The following HMCN1 variants were observed in gnomAD, a reference collection of about 807,000 sequenced individuals.
HMCN1 encodes the protein hemicentin-1.
A neutral mutation model predicts 625.9 loss-of-function variants in HMCN1; 321 were observed. The ratio of observed to expected loss-of-function variants is 0.51; its 90% confidence interval spans 0.47 to 0.56. The LOEUF (loss-of-function observed/expected upper bound fraction) is 0.56, where lower values mean the gene tolerates loss of function less well. Ranked by LOEUF, HMCN1 falls within the 20% of genes least tolerant of loss-of-function variation. The pLI, the probability that HMCN1 is intolerant of heterozygous loss-of-function variation, is 0.00. For missense variants in HMCN1, 6,588 were observed against 6,887.3 expected (o/e 0.96, Z 1.54); for synonymous variants, 2,425 against 2,417.6 (o/e 1.00, Z -0.09).
At chr1:186,106,570 A>G (rs143041760) in intron 69 of HMCN1, among the ~76,000 whole-genome samples, 2 of 152,334 alleles carry the variant, frequency 1.3e-5, no homozygotes, top group East Asian at 1.9e-4. Flanking sequence ...TGTTTCTTCA[A>G]TGAACATTGA....
At chr1:186,044,699 G>T (rs2102247989) in intron 40 of HMCN1, among the ~76,000 whole-genome samples, 1 of 152,248 alleles carries the variant, frequency 6.6e-6, no homozygotes, top group Non-Finnish European at 1.5e-5. Context: ...CCTGCATAGT[G>T]ATGGGGTTTC....
intron 97 of HMCN1, among the ~76,000 whole-genome samples, chr1:186,157,345 TTTATAA>T (rs147444663): frequency 5.6e-4 from 85 of 152,288 alleles, no homozygotes; most frequent in African/African-American, 2.0e-3. Context: ...AGTAACACAC[TTTATAA>T]TATGAAAATC....
chr1:186,132,319 T>C lies in HMCN1; in HGVS notation c.13231-9T>C. 1 of 1,610,180 alleles carries C rather than the reference T, an allele frequency of 6.2e-7. No individual in the cohort carries two copies. The highest frequency in any genetic ancestry group is 8.5e-7 in the Non-Finnish European group (1 of 1,177,450). ...CATATTTTTGTAAAAACGCTGCTTATTTCCATAGAATGAAGATGCCGGTGA... is the reference window on the plus strand; with the variant it reads ...CATATTTTTGTAAAAACGCTGCTTACTTCCATAGAATGAAGATGCCGGTGA... On this transcript the variant is annotated splice_polypyrimidine_tract_variant and intron_variant, in intron 85 of 106. Coordinates refer to ENST00000271588, the MANE Select transcript of HMCN1 (RefSeq NM_031935.3).
intron 1 of HMCN1, among the ~76,000 whole-genome samples, chr1:185,793,358 C>T (rs1658133959): frequency 6.6e-6 from 1 of 152,124 alleles, no homozygotes; most frequent in African/African-American, 2.4e-5. Context: ...TGGTTCCTTC[C>T]TTGCTTCATG....
chr1:186,164,905 C>G (rs1306886712), intron 97 of HMCN1, among the ~76,000 whole-genome samples: 2 of 152,204 alleles, frequency 1.3e-5, no homozygotes, highest in Non-Finnish European at 2.9e-5. Flanking sequence ...CCAGTGGCAG[C>G]TTGTCAACAA....
Position 186,189,753 on chromosome 1 carries a change from C to T in HMCN1, c.16783C>T (p.Arg5595Ter), listed in dbSNP as rs1412752744. Residue 5595 changes from arginine to a stop codon, truncating the protein, a stop_gained, in exon 107 of 107, where the codon CGA becomes TGA. Coordinates refer to ENST00000271588, the MANE Select transcript of HMCN1 (RefSeq NM_031935.3). LOFTEE classifies it high-confidence loss of function. The stretch of plus-strand genomic sequence containing the variant: ...CCTGAAAGGAGTGGTGTATACAACA[C>T]GACCACTACGAGAAGCAGAGACCTA... ...ENLKGVVYTT[R>*]PLREAETYRM... The T allele has an allele frequency of 6.2e-6, 10 of 1,613,490 alleles. No homozygotes were observed. The highest frequency in any genetic ancestry group is 1.7e-5 in the Admixed American group (1 of 59,944).
intron 24 of HMCN1, among the ~76,000 whole-genome samples, chr1:185,995,606 C>CT (rs1464897363): frequency 6.6e-6 from 1 of 152,152 alleles, no homozygotes; most frequent in Non-Finnish European, 1.5e-5. Context: ...GGCAAAACCC[C>CT]TGCTTTCATG....
chr1:185,783,324 T>G (rs1346102268), intron 1 of HMCN1, among the ~76,000 whole-genome samples: 1 of 152,022 alleles, frequency 6.6e-6, no homozygotes, highest in East Asian at 1.9e-4. Flanking sequence ...GTTTGATCAT[T>G]TGAAGCCTTC....
At chr1:186,038,762 GATCCA>G (rs1656004344) in intron 37 of HMCN1, 62 bp from the exon 38 acceptor site, 5 of 875,064 alleles carry the variant, frequency 5.7e-6, no homozygotes, top group African/African-American at 1.7e-5. Context: ...ACTTAGCTAA[GATCCA>G]ACTTAGTATA....
rs1657250541 is a variant in HMCN1 at position 186,055,475 on chromosome 1, G to A, written c.6945G>A (p.Glu2315=). ...TRGKSISLEC[E]VQGIPPPTVT... ...GGAAGAGTATCTCCTTGGAGTGTGA[G>A]GTGCAGGGTATTCCACCACCAACAG... Residue 2315 remains glutamate (E), a synonymous_variant, in exon 45 of 107, where the codon GAG becomes GAA. Coordinates refer to ENST00000271588, the MANE Select transcript of HMCN1 (RefSeq NM_031935.3). 6.2e-7 allele frequency: 1 copy of A among 1,612,804 alleles called. No individual in the cohort carries two copies. Among genetic ancestry groups the A allele is most frequent in the Non-Finnish European group, 8.5e-7 (1 of 1,179,240 alleles).
chr1:185,965,892 C>T lies in HMCN1; in HGVS notation c.2189C>T (p.Pro730Leu), dbSNP rs1456581072. The T allele has an allele frequency of 1.3e-6, 2 of 1,593,854 alleles. No homozygotes were observed. The highest frequency in any genetic ancestry group is 1.3e-5 in the African/African-American group (1 of 74,476). ...VMECKTSGIP[P>L]PQVKWFKGDL... Reference sequence around the variant, plus strand: ...GAATGCAAAACCTCTGGTATTCCTCCACCTCAAGTTAAATGGTTCAAAGGT... The same window carrying T: ...GAATGCAAAACCTCTGGTATTCCTCTACCTCAAGTTAAATGGTTCAAAGGT... The change falls in exon 14 of 107, where the codon CCA (proline) becomes CTA (leucine). Residue 730 changes from proline (P) to leucine (L), a missense_variant. Transcript: ENST00000271588.
chr1:186,107,092 CTT>C (rs1208686760), intron 70 of HMCN1, 127 bp downstream of exon 70: 62 of 566,450 alleles, frequency 1.1e-4, no homozygotes, highest in Middle Eastern at 2.8e-4. Flanking sequence ...AAATCTGAAT[CTT>C]TTTTTTTTTG....
At chr1:185,765,097 A>G (rs1184392461) in intron 1 of HMCN1, among the ~76,000 whole-genome samples, 1 of 152,196 alleles carries the variant, frequency 6.6e-6, no homozygotes, top group Non-Finnish European at 1.5e-5. Context: ...GTACCAAATG[A>G]CAATCTGGAC....
At chr1:186,016,691 T>C (rs1015211294) in intron 32 of HMCN1, among the ~76,000 whole-genome samples, 1 of 152,018 alleles carries the variant, frequency 6.6e-6, no homozygotes, top group Admixed American at 6.6e-5. Flanking sequence ...AAATAAACAA[T>C]ATAAAATATG....
At chr1:186,133,284 A>G (rs1002014610) in intron 86 of HMCN1, among the ~76,000 whole-genome samples, 1 of 152,236 alleles carries the variant, frequency 6.6e-6, no homozygotes, top group African/African-American at 2.4e-5. Flanking sequence ...CATGCTTAAA[A>G]AGATTGCCAT....
In HMCN1 at chr1:186,088,602, C is replaced by T. The variant is rs199611602; in HGVS notation, c.9578-4C>T. 3 of 1,610,920 alleles carry T rather than the reference C, an allele frequency of 1.9e-6. No individual in the cohort carries two copies. The East Asian group carries it at 6.7e-5, about 36-fold the overall frequency. The stretch of plus-strand genomic sequence containing the variant: ...GTTTTATTGTGCTTTGTTTCTACCT[C>T]TAGAAAATTCTGACTCACTGGAAGT... On this transcript the variant is annotated splice_polypyrimidine_tract_variant and splice_region_variant and intron_variant, in intron 62 of 106. Coordinates refer to ENST00000271588, the MANE Select transcript of HMCN1 (RefSeq NM_031935.3).
intron 2 of HMCN1, among the ~76,000 whole-genome samples, chr1:185,850,425 T>C (rs116258993): frequency 0.012 from 1,890 of 152,236 alleles, 52 homozygotes; most frequent in African/African-American, 0.044. Context: ...CTTGAAAATC[T>C]GGCCAGAATG....
At chr1:186,040,817 C>T (rs1166809676) in intron 39 of HMCN1, among the ~76,000 whole-genome samples, 196 bp from the exon 40 acceptor site, 1 of 151,392 alleles carries the variant, frequency 6.6e-6, no homozygotes, top group East Asian at 1.9e-4. Flanking sequence ...AAATTTAATT[C>T]CAGCCTCTTA....
rs1399600359 is a variant in HMCN1, at chr1:185,804,338, G to T, written c.269-41688G>T. On this transcript the variant is annotated intron_variant, in intron 1 of 106. Coordinates refer to ENST00000271588, the MANE Select transcript of HMCN1 (RefSeq NM_031935.3). Reference sequence around the variant, plus strand: ...TGCACATTATAACTGCAGTCATCATGATTCTAGTGTTTGTTGAGTTGTGGT... The same window carrying T: ...TGCACATTATAACTGCAGTCATCATTATTCTAGTGTTTGTTGAGTTGTGGT... 6.1e-3 allele frequency among the ~76,000 whole-genome samples: 933 copies of T among 152,130 alleles called. 8 individuals are homozygous for T. The highest frequency in any genetic ancestry group is 0.021 in the African/African-American group (860 of 41,512).
Sources: gnomAD v4.1 joint callset for allele counts (sites outside exome capture counted in the v4.1 genomes callset) on GRCh38, gnomAD v4.1.1 for gene constraint, MANE v1.5 for transcripts, NCBI Gene and HGNC (gene_info 2026-07-23, HGNC 2026-07-21) for gene names.